Variants in SSBP3 observed in about 807,000 individuals in gnomAD.
SSBP3 encodes the protein single-stranded DNA-binding protein 3.
SSBP3 carries 5 observed loss-of-function variants against 69.6 expected under a neutral mutation model. That is an observed-to-expected ratio of 0.07 (90% confidence interval 0.04 to 0.15). The LOEUF is 0.15. SSBP3 is among the 10% of genes least tolerant of loss of function. The pLI is 1.00. For missense variants in SSBP3, 312 were observed against 534.0 expected (o/e 0.58, Z 4.10); for synonymous variants, 196 against 193.4 (o/e 1.01, Z -0.11).
intron 4 of SSBP3, among the ~76,000 whole-genome samples, chr1:54,314,800 G>T (rs1208082488): frequency 1.3e-5 from 2 of 152,198 alleles, no homozygotes; most frequent in East Asian, 3.8e-4. Context: ...AGCAAAGGAG[G>T]TGAATGAGGA....
At chr1:54,262,385 C>A (rs138259145) in intron 5 of SSBP3, among the ~76,000 whole-genome samples, 4 of 152,090 alleles carry the variant, frequency 2.6e-5, no homozygotes, top group Admixed American at 2.0e-4. Flanking sequence ...TACAAGACTG[C>A]GAGCAGCACC....
At chr1:54,260,680 C>T (rs1307946399) in intron 5 of SSBP3, among the ~76,000 whole-genome samples, 1 of 152,230 alleles carries the variant, frequency 6.6e-6, no homozygotes, top group Admixed American at 6.5e-5. Flanking sequence ...AGAAAAAAAG[C>T]TGACAAGCAG....
At chr1:54,227,222 C>T (rs1436081196) in intron 17 of SSBP3, 62 bp from the exon 18 acceptor site, 10 of 998,510 alleles carry the variant, frequency 1.0e-5, no homozygotes, top group Non-Finnish European at 1.6e-5. Context: ...CTGACACACC[C>T]AGGTGCCAAG....
chr1:54,377,770 T>C (rs1647297682), intron 4 of SSBP3, among the ~76,000 whole-genome samples: 1 of 152,158 alleles, frequency 6.6e-6, no homozygotes, highest in South Asian at 2.1e-4. Context: ...AAAGGTGGGT[T>C]AGAAGATAAA....
At chr1:54,315,488 A>G (rs1045849752) in intron 4 of SSBP3, among the ~76,000 whole-genome samples, 3 of 152,166 alleles carry the variant, frequency 2.0e-5, no homozygotes, top group African/African-American at 7.2e-5. Context: ...GAGCAAGCAA[A>G]AAAAGAGATT....
intron 5 of SSBP3, among the ~76,000 whole-genome samples, chr1:54,273,076 G>A (rs1233911638): frequency 6.6e-6 from 1 of 152,236 alleles, no homozygotes. Flanking sequence ...GCTGGGCTCT[G>A]TAGCATGGGG....
At chr1:54,270,620 A>T (rs1219337342) in intron 5 of SSBP3, among the ~76,000 whole-genome samples, 2 of 152,164 alleles carry the variant, frequency 1.3e-5, no homozygotes, top group Non-Finnish European at 2.9e-5. Context: ...TCCCTCCTGG[A>T]AAGAGGAGAA....
rs192366200 is a variant in SSBP3 at position 54,382,143 on chromosome 1, G to A, written c.276+19718C>T. Among the ~76,000 whole-genome samples, 515 of 152,324 alleles carry A rather than the reference G, an allele frequency of 3.4e-3. 2 individuals carry two copies. The highest frequency in any genetic ancestry group is 5.5e-3 in the Non-Finnish European group (373 of 68,024). The stretch of plus-strand genomic sequence containing the variant: ...CAGGAGGCAGAGGCTGCAGTGAGCC[G>A]AGACTGTGCCACTGCACTCCAGCCT... On this transcript the variant is annotated intron_variant, in intron 4 of 17. Coordinates refer to ENST00000610401, the Ensembl canonical transcript of SSBP3.
chr1:54,411,565 G>A (rs1201686814), intron 1 of SSBP3, among the ~76,000 whole-genome samples: 2 of 152,154 alleles, frequency 1.3e-5, no homozygotes, highest in Middle Eastern at 3.4e-3. Flanking sequence ...GCGGCGGGAG[G>A]ATCACTTGAG....
At chr1:54,264,903 C>T (rs1162207631) in intron 5 of SSBP3, among the ~76,000 whole-genome samples, 21 of 152,330 alleles carry the variant, frequency 1.4e-4, no homozygotes, top group East Asian at 1.2e-3. Context: ...TGGGTTTTCT[C>T]GACCAGCAGT....
At chr1:54,316,774 G>A (rs756966109) in intron 4 of SSBP3, among the ~76,000 whole-genome samples, 43 of 151,420 alleles carry the variant, frequency 2.8e-4, no homozygotes, top group South Asian at 4.2e-4. Context: ...AAATACCTTC[G>A]CGTGGGTACT....
intron 4 of SSBP3, among the ~76,000 whole-genome samples, chr1:54,346,412 T>C (rs750671576): frequency 6.6e-6 from 1 of 152,148 alleles, no homozygotes; most frequent in African/African-American, 2.4e-5. Context: ...ATTTGAATTT[T>C]GATTTGGGGC....
chr1:54,390,581 G>C (rs1445947836), intron 4 of SSBP3, among the ~76,000 whole-genome samples: 2 of 152,188 alleles, frequency 1.3e-5, no homozygotes, highest in Admixed American at 6.5e-5. Context: ...AATTCACTGC[G>C]GTATTTAAAG....
intron 4 of SSBP3, among the ~76,000 whole-genome samples, chr1:54,312,226 T>A (rs1424646243): frequency 6.6e-6 from 1 of 151,360 alleles, no homozygotes; most frequent in African/African-American, 2.4e-5. Flanking sequence ...AGTTTGAGGT[T>A]ACAGTGAGAT....
At chr1:54,372,782 T>C (rs549943192) in intron 4 of SSBP3, among the ~76,000 whole-genome samples, 102 of 152,218 alleles carry the variant, frequency 6.7e-4, no homozygotes, top group African/African-American at 2.4e-3. Context: ...CTGTACCCTG[T>C]CCCCTCTTTT....
At chr1:54,386,471 G>C (rs1388815260) in intron 4 of SSBP3, among the ~76,000 whole-genome samples, 1 of 152,060 alleles carries the variant, frequency 6.6e-6, no homozygotes, top group African/African-American at 2.4e-5. Context: ...CACTGTACTG[G>C]GGCCCTTGGC....
At chr1:54,227,191 G>GA in intron 17 of SSBP3, 31 bp from the exon 18 acceptor site, 1 of 1,084,186 alleles carries the variant, frequency 9.2e-7, no homozygotes, top group Non-Finnish European at 1.4e-6. Context: ...AGGGGGGGGG[G>GA]TGAGGATTGT....
At chr1:54,276,607 T>TCACAAAAA (rs1402056412) in intron 5 of SSBP3, among the ~76,000 whole-genome samples, 1 of 61,592 alleles carries the variant, frequency 1.6e-5, no homozygotes, top group Non-Finnish European at 2.6e-5. Flanking sequence ...AGACTCTGTC[T>TCACAAAAA]CAAAAAAAAA....
At chr1:54,317,098 A>G (rs900189104) in intron 4 of SSBP3, among the ~76,000 whole-genome samples, 3 of 152,166 alleles carry the variant, frequency 2.0e-5, no homozygotes, top group Admixed American at 6.5e-5. Context: ...AATCATCCAC[A>G]ATGGAAGGCA....
Sources: allele counts gnomAD v4.1 joint callset (sites outside exome capture counted in the v4.1 genomes callset), GRCh38; gene constraint gnomAD v4.1.1; transcripts MANE v1.5; gene names NCBI Gene and HGNC (gene_info 2026-07-23, HGNC 2026-07-21).